The following CREB5 variants were observed in gnomAD, a reference collection of about 807,000 sequenced individuals.
The protein encoded by CREB5 is cyclic AMP-responsive element-binding protein 5.
Under a neutral mutation model 57.1 loss-of-function variants are expected in CREB5, and 19 were observed. The ratio of observed to expected loss-of-function variants is 0.33; its 90% CI spans 0.23 to 0.49. The LOEUF (loss-of-function observed/expected upper bound fraction) is 0.49. Among genes scored for constraint, CREB5 ranks in the 20% least tolerant of loss-of-function variants. The pLI is 0.99. For missense variants in CREB5, 579 were observed against 671.6 expected (o/e 0.86, Z 1.52); for synonymous variants, 238 against 238.3 (o/e 1.00, Z 0.01).
At chr7:28,718,307 G>C (rs1472646967) in intron 5 of CREB5, among the ~76,000 whole-genome samples, 1 of 152,262 alleles carries the variant, frequency 6.6e-6, no homozygotes, top group Non-Finnish European at 1.5e-5. Flanking sequence ...AATCCAGAGA[G>C]TGAAAGTGTT....
chr7:28,607,506 C>T (rs1173007721), intron 5 of CREB5, among the ~76,000 whole-genome samples: 1 of 152,126 alleles, frequency 6.6e-6, no homozygotes, highest in Admixed American at 6.5e-5. Flanking sequence ...ACTTTGCTGC[C>T]ATAGGAGAAA....
At chr7:28,529,913 G>T (rs192258475) in intron 4 of CREB5, among the ~76,000 whole-genome samples, 65 of 152,300 alleles carry the variant, frequency 4.3e-4, no homozygotes, top group African/African-American at 1.5e-3. Flanking sequence ...AATCACACCA[G>T]CTATTGTTTA....
Position 28,473,371 on chromosome 7 carries a change from A to G in CREB5, c.4-14804A>G, listed in dbSNP as rs186353359. ...TTGTGCACCTTTCTCTCTTTATCAC[A>G]TCACCCTCTTTATCTCTTTCAGTGA... On this transcript the variant is annotated intron_variant, in intron 1 of 10. Coordinates refer to ENST00000357727, the MANE Select transcript of CREB5 (RefSeq NM_182898.4). 7.0e-4 allele frequency among the ~76,000 whole-genome samples: 106 copies of G among 152,214 alleles called. 1 individual carries two copies. The highest frequency in any genetic ancestry group is 2.4e-3 in the African/African-American group (101 of 41,552).
At chr7:28,635,835 G>A (rs1798397104) in intron 5 of CREB5, among the ~76,000 whole-genome samples, 1 of 152,142 alleles carries the variant, frequency 6.6e-6, no homozygotes, top group Non-Finnish European at 1.5e-5. Flanking sequence ...AGTTGATATG[G>A]TGTCTCCCAA....
intron 4 of CREB5, among the ~76,000 whole-genome samples, chr7:28,552,939 T>C (rs535516094): frequency 6.6e-6 from 1 of 152,358 alleles, no homozygotes; most frequent in South Asian, 2.1e-4. Flanking sequence ...CTCCAGCAGA[T>C]GTTTCCACTG....
At chr7:28,532,411 G>A (rs1462451719) in intron 4 of CREB5, among the ~76,000 whole-genome samples, 1 of 152,164 alleles carries the variant, frequency 6.6e-6, no homozygotes, top group Non-Finnish European at 1.5e-5. Context: ...AAATTTTGTG[G>A]TAATTTGTTA....
intron 5 of CREB5, among the ~76,000 whole-genome samples, chr7:28,589,878 A>G (rs1032199752): frequency 6.6e-6 from 1 of 152,206 alleles, no homozygotes; most frequent in African/African-American, 2.4e-5. Flanking sequence ...TCACTCTTGC[A>G]GATAAACTAT....
intron 4 of CREB5, among the ~76,000 whole-genome samples, chr7:28,507,992 A>G (rs2128607044): frequency 6.6e-6 from 1 of 152,334 alleles, no homozygotes; most frequent in African/African-American, 2.4e-5. Flanking sequence ...TAAGTATTTA[A>G]TAGCAAACCT....
At chr7:28,808,091 T>TCTCACTATCTCACACACACACA (rs1808855835) in intron 8 of CREB5, among the ~76,000 whole-genome samples, 1 of 152,184 alleles carries the variant, frequency 6.6e-6, no homozygotes, top group Non-Finnish European at 1.5e-5. Flanking sequence ...CACAAGCAAC[T>TCTCACTATCTCACACACACACA]CTCACTATCT....
chr7:28,781,133 C>T (rs1034672473), intron 7 of CREB5, among the ~76,000 whole-genome samples: 5 of 152,110 alleles, frequency 3.3e-5, no homozygotes, highest in Non-Finnish European at 7.4e-5. Flanking sequence ...GTAGCTAAGT[C>T]GACTCTCTGA....
At chr7:28,348,103 T>C (rs76239954) in intron 1 of CREB5, among the ~76,000 whole-genome samples, 1 of 152,242 alleles carries the variant, frequency 6.6e-6, no homozygotes, top group African/African-American at 2.4e-5. Context: ...TTCCTTGTGT[T>C]ATTCAGCCGA....
At chr7:28,796,002 C>T (rs1310898261) in intron 7 of CREB5, among the ~76,000 whole-genome samples, 3 of 152,112 alleles carry the variant, frequency 2.0e-5, no homozygotes, top group Admixed American at 2.0e-4. Flanking sequence ...ATCTGCCTGC[C>T]TTTACCTCCC....
intron 1 of CREB5, among the ~76,000 whole-genome samples, chr7:28,384,834 C>T (rs1486467790): frequency 1.3e-5 from 2 of 152,110 alleles, no homozygotes; most frequent in African/African-American, 2.4e-5. Flanking sequence ...GAAACTCTTG[C>T]CATAGAATAC....
intron 5 of CREB5, among the ~76,000 whole-genome samples, chr7:28,695,397 C>T (rs1192559440): frequency 1.3e-5 from 2 of 152,182 alleles, no homozygotes; most frequent in African/African-American, 2.4e-5. Flanking sequence ...CAGGCTAATG[C>T]TTTGCAGTCC....
rs1802841039 is a variant in CREB5 at position 28,718,674 on chromosome 7, G to T, written c.465-79G>T. The T allele has an allele frequency of 5.7e-6, 9 of 1,567,902 alleles. No individual in the cohort carries two copies. The East Asian group carries it at 1.8e-4, about 31-fold the overall frequency. ...GATCTGCTGCACATGTGACATTGTTGTCCCTGCTGTTCTGGACACTGGGGA... is the reference window on the plus strand; with the variant it reads ...GATCTGCTGCACATGTGACATTGTTTTCCCTGCTGTTCTGGACACTGGGGA... On this transcript the variant is annotated intron_variant, in intron 5 of 10. Coordinates refer to ENST00000357727, the MANE Select transcript of CREB5 (RefSeq NM_182898.4).
intron 7 of CREB5, among the ~76,000 whole-genome samples, chr7:28,753,952 C>A (rs780014078): frequency 6.6e-6 from 1 of 151,136 alleles, no homozygotes; most frequent in Non-Finnish European, 1.5e-5. Context: ...TTATATTATT[C>A]TTTTCAAGGT....
chr7:28,349,033 G>C (rs1194613647), intron 1 of CREB5, among the ~76,000 whole-genome samples: 1 of 152,182 alleles, frequency 6.6e-6, no homozygotes, highest in Non-Finnish European at 1.5e-5. Context: ...CCAGGTGCAG[G>C]CTTACCAATG....
intron 6 of CREB5, among the ~76,000 whole-genome samples, chr7:28,722,383 G>A (rs1803081436): frequency 6.6e-6 from 1 of 152,132 alleles, no homozygotes; most frequent in African/African-American, 2.4e-5. Context: ...GTCGGAATAA[G>A]GGGTCAAATA....
intron 1 of CREB5, among the ~76,000 whole-genome samples, chr7:28,333,527 G>A (rs530761765): frequency 3.3e-5 from 5 of 151,106 alleles, no homozygotes; most frequent in Admixed American, 6.6e-5. Context: ...CCCATTAACC[G>A]TTCTCACTCC....
Sources: gnomAD v4.1 joint callset for allele counts (sites outside exome capture counted in the v4.1 genomes callset) on GRCh38, gnomAD v4.1.1 for gene constraint, MANE v1.5 for transcripts, NCBI Gene and HGNC (gene_info 2026-07-23, HGNC 2026-07-21) for gene names.